LHX4: variants seen among roughly 807,000 people sequenced by gnomAD.
The protein encoded by LHX4 is LIM homeobox 4, also known as LIM/homeobox protein Lhx4.
Under a neutral mutation model 39.2 loss-of-function variants are expected in LHX4, and 16 were observed. The ratio of observed to expected loss-of-function variants is 0.41; its 90% CI spans 0.28 to 0.62. LHX4 has a LOEUF of 0.62. Ranked by LOEUF, LHX4 falls within the 20% of genes least tolerant of loss-of-function variation. The pLI, the probability that LHX4 is intolerant of heterozygous loss-of-function variation, is 0.33. For synonymous variants in LHX4, 206 were observed against 198.1 expected, an observed-to-expected ratio of 1.04 and a Z score of -0.33; for missense variants, 439 against 511.9, an observed-to-expected ratio of 0.86 and a Z score of 1.37.
chr1:180,257,858 G>C (rs533285140), intron 2 of LHX4, among the ~76,000 whole-genome samples: 21 of 152,328 alleles, frequency 1.4e-4, no homozygotes, highest in African/African-American at 4.8e-4. Flanking sequence ...CAAGAGTAAG[G>C]AAGACATCCC....
chr1:180,243,007 C>T (rs1040672920), intron 1 of LHX4, among the ~76,000 whole-genome samples: 4 of 151,968 alleles, frequency 2.6e-5, no homozygotes, highest in African/African-American at 9.7e-5. Context: ...TCTTTCTTTT[C>T]TTTCATTTTT....
chr1:180,267,881 G>T (rs146335573), intron 3 of LHX4, among the ~76,000 whole-genome samples: 356 of 152,234 alleles, frequency 2.3e-3, no homozygotes, highest in African/African-American at 8.3e-3. Flanking sequence ...ATTCATAAGG[G>T]CCCTTTAGGT....
chr1:180,240,226 G>T (rs936380965), intron 1 of LHX4, among the ~76,000 whole-genome samples: 2 of 152,002 alleles, frequency 1.3e-5, no homozygotes, highest in Admixed American at 6.6e-5. Context: ...TAGAGGTAGG[G>T]GCTCACTATG....
At position 180,230,508 on chromosome 1, in the gene LHX4, A is replaced by G; in HGVS notation, c.-22A>G. On this transcript the variant is annotated 5_prime_UTR_variant, in exon 1 of 6. Coordinates refer to ENST00000263726, the MANE Select transcript of LHX4 (RefSeq NM_033343.4). The surrounding 1 kb of genome is among the most constrained non-coding windows in gnomAD (Gnocchi z 5.8). ...GAGCGAGAGATCTCCGTAGACTGCG[A>G]CTCGCTGGCTTTCGCTCCGAGATGA... 6.2e-7 allele frequency: 1 copy of G among 1,605,314 alleles called. No individual in the cohort carries two copies. Among genetic ancestry groups the G allele is most frequent in the Non-Finnish European group, 8.5e-7 (1 of 1,173,202 alleles).
chr1:180,257,874 A>G (rs1647925661), intron 2 of LHX4, among the ~76,000 whole-genome samples: 2 of 152,168 alleles, frequency 1.3e-5, no homozygotes, highest in South Asian at 4.1e-4. Flanking sequence ...ATCCCAGAGG[A>G]GAGGCACTGA....
intron 1 of LHX4, among the ~76,000 whole-genome samples, chr1:180,231,722 C>T (rs1399473490): frequency 2.6e-5 from 4 of 152,022 alleles, no homozygotes; most frequent in South Asian, 2.1e-4. Flanking sequence ...GCGGTAGCTA[C>T]ATCTTCGGGG....
chr1:180,237,271 C>T (rs752494507), intron 1 of LHX4, among the ~76,000 whole-genome samples: 2 of 152,070 alleles, frequency 1.3e-5, no homozygotes, highest in South Asian at 2.1e-4. Context: ...GTGGTGGAGC[C>T]ATCTCTCTTT....
intron 1 of LHX4, among the ~76,000 whole-genome samples, chr1:180,245,889 C>T (rs1488570058): frequency 6.6e-6 from 1 of 152,190 alleles, no homozygotes; most frequent in African/African-American, 2.4e-5. Flanking sequence ...CATGCCCTCA[C>T]TGGGTGGAAA....
chr1:180,249,381 C>A (rs1414629471), intron 2 of LHX4, among the ~76,000 whole-genome samples: 1 of 152,184 alleles, frequency 6.6e-6, no homozygotes, highest in Non-Finnish European at 1.5e-5. Context: ...GAATCTATTA[C>A]CCAAGGCAGT....
intron 1 of LHX4, among the ~76,000 whole-genome samples, chr1:180,236,433 T>C (rs355629): frequency 0.99 from 150,591 of 152,298 alleles, 74,463 homozygotes; most frequent in East Asian, 1. Context: ...TTACTTAGCA[T>C]CCACATTAGT....
chr1:180,237,276 C>T (rs1336456673), intron 1 of LHX4, among the ~76,000 whole-genome samples: 1 of 152,124 alleles, frequency 6.6e-6, no homozygotes, highest in African/African-American at 2.4e-5. Flanking sequence ...GGAGCCATCT[C>T]TCTTTCTAGG....
intron 1 of LHX4, among the ~76,000 whole-genome samples, chr1:180,240,271 T>G (rs907231211): frequency 5.3e-5 from 8 of 152,214 alleles, no homozygotes; most frequent in African/African-American, 1.7e-4. Context: ...TGGGTTCAAG[T>G]AATCCTCTCA....
At position 180,278,875 on chromosome 1, in the gene LHX4, T is replaced by C. The variant is rs1044556703; in HGVS notation, c.*4296T>C. ...ACCCACCCATCCTTATTTATTGCCA[T>C]ATGACTTTGGAAAACAGAAGCTGGT... On this transcript the variant is annotated 3_prime_UTR_variant, in exon 6 of 6. Transcript: ENST00000263726. 10 of 151,978 alleles carry C rather than the reference T, an allele frequency of 6.6e-5. No individual in the cohort carries two copies. Among genetic ancestry groups the C allele is most frequent in the African/African-American group, 2.4e-4 (10 of 41,366 alleles). The allele number at this position is 151,978 out of a possible 1,614,324, so 9.4% of individuals were successfully genotyped here.
chr1:180,255,479 T>C (rs1458354916), intron 2 of LHX4, among the ~76,000 whole-genome samples: 1 of 152,262 alleles, frequency 6.6e-6, no homozygotes, highest in Non-Finnish European at 1.5e-5. Context: ...GATGTGTGAC[T>C]TTCCATAATT....
intron 3 of LHX4, among the ~76,000 whole-genome samples, chr1:180,267,457 C>T (rs1192019107): frequency 6.6e-6 from 1 of 152,278 alleles, no homozygotes; most frequent in Non-Finnish European, 1.5e-5. Flanking sequence ...ACACATTCCC[C>T]ATGCTCCCCT....
At chr1:180,255,632 G>A (rs1252757508) in intron 2 of LHX4, among the ~76,000 whole-genome samples, 1 of 152,256 alleles carries the variant, frequency 6.6e-6, no homozygotes, top group Non-Finnish European at 1.5e-5. Context: ...AGTCATTTGT[G>A]CCGGCCTGTA....
rs1664211011 is a variant in LHX4 at position 180,232,812 on chromosome 1, G to C, written c.76+2207G>C. On this transcript the variant is annotated intron_variant, in intron 1 of 5. Coordinates refer to ENST00000263726, the MANE Select transcript of LHX4 (RefSeq NM_033343.4). The surrounding 1 kb of genome is among the most constrained non-coding windows in gnomAD (Gnocchi z 5.4). ...ACAACTATTAGTTTTCTTGGGACTG[G>C]GCCCAGTGGCCTAAGAAGGGGGGAA... Among the ~76,000 whole-genome samples the C allele has an allele frequency of 6.6e-6, 1 of 152,192 alleles. No homozygotes were observed. The highest frequency in any genetic ancestry group is 1.9e-4 in the East Asian group (1 of 5,194).
In LHX4 at chr1:180,248,057, C is replaced by A. The variant is rs61809134; in HGVS notation, c.77-228C>A. Reference sequence around the variant, plus strand: ...GGCCAAAGTCACCCCAAGCCAGAATCCACAGCCTGGCCAGCAAAGCAAGGG... The same window carrying A: ...GGCCAAAGTCACCCCAAGCCAGAATACACAGCCTGGCCAGCAAAGCAAGGG... On this transcript the variant is annotated intron_variant, in intron 1 of 5. Coordinates refer to ENST00000263726, the MANE Select transcript of LHX4 (RefSeq NM_033343.4). Among the ~76,000 whole-genome samples the A allele has an allele frequency of 0.18, 27,907 of 152,228 alleles. 2,692 individuals are homozygous for A. Among genetic ancestry groups the A allele is most frequent in the African/African-American group, 0.2 (8,396 of 41,540 alleles).
intron 3 of LHX4, chr1:180,270,293 A>G (rs1648567504): frequency 6.6e-6 from 1 of 152,296 alleles, no homozygotes; most frequent in Non-Finnish European, 1.5e-5. Context: ...GAATGGAAAG[A>G]AAGGAGAAAA....
Sources: allele counts gnomAD v4.1 joint callset (sites outside exome capture counted in the v4.1 genomes callset), GRCh38; gene constraint gnomAD v4.1.1; non-coding constraint Gnocchi (gnomAD v3.1); transcripts MANE v1.5; gene names NCBI Gene and HGNC (gene_info 2026-07-23, HGNC 2026-07-21).